The following SCN4B variants were observed in gnomAD, a reference collection of about 807,000 sequenced individuals.
SCN4B encodes sodium voltage-gated channel beta subunit 4.
In SCN4B, 20 loss-of-function variants were observed where a neutral mutation model predicts 19.6. That is an observed-to-expected ratio of 1.02 (90% CI 0.72 to 1.48). The LOEUF is 1.48. SCN4B is among the 40% of genes most tolerant of loss of function. The probability of loss-of-function intolerance (pLI) is 0.00; values close to 1 mark genes in which losing one functional copy is unlikely to be tolerated. For synonymous variants in SCN4B, 127 were observed against 122.8 expected, an observed-to-expected ratio of 1.03 and a Z score of -0.22; for missense variants, 271 against 287.5, an observed-to-expected ratio of 0.94 and a Z score of 0.42.
At chr11:118,151,105 A>G (rs1168261909) in intron 1 of SCN4B, among the ~76,000 whole-genome samples, 2 of 145,338 alleles carry the variant, frequency 1.4e-5, no homozygotes, top group African/African-American at 5.3e-5. Flanking sequence ...TGTGCCTACA[A>G]TCCCCCTTAC....
intron 1 of SCN4B, among the ~76,000 whole-genome samples, chr11:118,150,090 A>G (rs969626936): frequency 1.3e-5 from 2 of 152,120 alleles, no homozygotes; most frequent in Admixed American, 6.5e-5. Flanking sequence ...CTTAATAAAT[A>G]CACACCAGGG....
chr11:118,145,843 C>A, intron 1 of SCN4B: 1 of 172,910 alleles, frequency 5.8e-6, no homozygotes, highest in Non-Finnish European at 1.3e-5. Context: ...CACGTTCGGG[C>A]TGGACCTCGC....
Position 118,135,089 on chromosome 11 carries a change from A to C in SCN4B, c.*1938T>G, listed in dbSNP as rs755726700. ...AGAAGGAAGAAGAAAACAGTTTTGC[A>C]TGAAGGTAGCTATAAGAAGTTTTCT... On this transcript the variant is annotated 3_prime_UTR_variant, in exon 5 of 5. Coordinates refer to ENST00000324727, the MANE Select transcript of SCN4B (RefSeq NM_174934.4). 2 of 454,152 alleles carry C rather than the reference A, an allele frequency of 4.4e-6. No homozygotes were observed. The highest frequency in any genetic ancestry group is 6.9e-5 in the East Asian group (1 of 14,404). The allele number at this position is 454,152 out of a possible 1,614,324, so 28.1% of individuals were successfully genotyped here.
rs1948201594 is a variant in SCN4B, at chr11:118,148,224, G to A, written c.62-2995C>T. Among the ~76,000 whole-genome samples, 1 of 152,218 alleles carries A rather than the reference G, an allele frequency of 6.6e-6. No individual in the cohort carries two copies. Among genetic ancestry groups the A allele is most frequent in the African/African-American group, 2.4e-5 (1 of 41,458 alleles). ...CCGAGTGAAAGCATCAGAGAGGGTG[G>A]GCAAGCCTGGCTTCTTCAGTGCACA... On this transcript the variant is annotated intron_variant, in intron 1 of 4. Coordinates refer to ENST00000324727, the MANE Select transcript of SCN4B (RefSeq NM_174934.4). The surrounding 1 kb of genome is among the most constrained non-coding windows in gnomAD (Gnocchi z 4.0).
chr11:118,145,028 GCTGTA>G, intron 2 of SCN4B, 24 bp downstream of exon 2: 3 of 1,608,378 alleles, frequency 1.9e-6, no homozygotes, highest in Non-Finnish European at 2.6e-6. Context: ...GGGAGGCTGG[GCTGTA>G]CTGTTCTTCC....
intron 4 of SCN4B, among the ~76,000 whole-genome samples, chr11:118,138,185 T>G (rs577054342): frequency 2.0e-5 from 3 of 152,284 alleles, no homozygotes; most frequent in East Asian, 3.9e-4. Flanking sequence ...ATGGCCAAGT[T>G]TTTCACAGCT....
In SCN4B at chr11:118,152,642, G is replaced by T. The variant is rs1456501225; in HGVS notation, c.32C>A (p.Pro11Gln). 2.5e-6 allele frequency: 4 copies of T among 1,612,036 alleles called. No individual in the cohort carries two copies. The South Asian group carries it at 4.4e-5, about 18-fold the overall frequency. ...AAGCCCAGTGCCCAGCCATCTCGCC[G>T]GGGCTTTGCCTCCGTCCCCAGCCCC... MPGAGDGGKA[P>Q]ARWLGTGLLG... The change falls in exon 1 of 5, where the codon CCG becomes CAG. Residue 11 changes from proline to glutamine, a missense_variant. Coordinates refer to ENST00000324727, the MANE Select transcript of SCN4B (RefSeq NM_174934.4).
intron 3 of SCN4B, chr11:118,142,686 T>G (rs1948113981): frequency 1.3e-5 from 2 of 152,174 alleles, no homozygotes; most frequent in Admixed American, 1.3e-4. Context: ...GTTGAACAGA[T>G]GGATGAATGA....
intron 1 of SCN4B, 189 bp from the exon 2 acceptor site, chr11:118,145,418 TCCCC>T (rs1184531051): frequency 6.6e-7 from 1 of 1,517,518 alleles, no homozygotes. Context: ...TCTCCATTTC[TCCCC>T]TGGAAAGGAC....
At chr11:118,145,769 T>C in intron 1 of SCN4B, 1 of 238,540 alleles carries the variant, frequency 4.2e-6, no homozygotes, top group South Asian at 5.1e-5. Flanking sequence ...CGCCGTCCAG[T>C]AGCCTCTCGT....
intron 4 of SCN4B, among the ~76,000 whole-genome samples, chr11:118,137,775 C>T (rs952544948): frequency 1.3e-5 from 2 of 152,208 alleles, no homozygotes; most frequent in African/African-American, 4.8e-5. Context: ...GGGGTCAGTT[C>T]CCAGGCTGTG....
chr11:118,144,525 G>C (rs1289704888), intron 2 of SCN4B, among the ~76,000 whole-genome samples: 1 of 152,102 alleles, frequency 6.6e-6, no homozygotes, highest in African/African-American at 2.4e-5. Context: ...ACCAGAGTTG[G>C]TCTCTTGTGG....
chr11:118,145,608 G>A, intron 1 of SCN4B: 1 of 511,822 alleles, frequency 2.0e-6, no homozygotes, highest in South Asian at 2.0e-5. Flanking sequence ...GACGCGCAGG[G>A]CGGGCTCCCT....
chr11:118,137,038 A>G lies in SCN4B; in HGVS notation c.676T>C (p.Ser226Pro), dbSNP rs1298938838. 6.2e-7 allele frequency: 1 copy of G among 1,612,940 alleles called. No individual in the cohort carries two copies. The highest frequency in any genetic ancestry group is 8.5e-7 in the Non-Finnish European group (1 of 1,178,918). The change falls in exon 5 of 5, where the codon TCA becomes CCA. Residue 226 changes from serine (S) to proline (P), a missense_variant. Ser to Pro is a moderately conservative substitution (Grantham distance 74). Coordinates refer to ENST00000324727, the MANE Select transcript of SCN4B (RefSeq NM_174934.4). Reference protein sequence around the residue: ...PGSKAEEKPPSKV With the variant: ...PGSKAEEKPPPKV ...GCCCGAAGCAGGGCTCACACTTTTGAAGGTGGTTTCTCCTCTGCCTTGGAG... is the reference window on the plus strand; with the variant it reads ...GCCCGAAGCAGGGCTCACACTTTTGGAGGTGGTTTCTCCTCTGCCTTGGAG...
In SCN4B at chr11:118,151,381, G is replaced by A. The variant is rs191452980; in HGVS notation, c.61+1232C>T. Among the ~76,000 whole-genome samples, 5 of 152,272 alleles carry A rather than the reference G, an allele frequency of 3.3e-5. No homozygotes were observed. The East Asian group carries it at 5.8e-4, about 18-fold the overall frequency. ...ATGAGGGGAAGTAGCATGGAATGGCGCTGTGCCCACCCTGTGAAAAGGAGC... is the reference window on the plus strand; with the variant it reads ...ATGAGGGGAAGTAGCATGGAATGGCACTGTGCCCACCCTGTGAAAAGGAGC... On this transcript the variant is annotated intron_variant, in intron 1 of 4. Transcript: ENST00000324727.
In SCN4B at chr11:118,134,943, T is replaced by C. The variant is rs1435376396; in HGVS notation, c.*2084A>G. 2.2e-6 allele frequency: 1 copy of C among 454,002 alleles called. No homozygotes were observed. The highest frequency in any genetic ancestry group is 2.0e-5 in the African/African-American group (1 of 50,010). The allele number at this position is 454,002 out of a possible 1,614,324, so 28.1% of individuals were successfully genotyped here. A position where few individuals can be genotyped will look rare whatever the true frequency, so the allele number is the denominator to read the frequency against. On this transcript the variant is annotated 3_prime_UTR_variant, in exon 5 of 5. Transcript: ENST00000324727. The stretch of plus-strand genomic sequence containing the variant: ...GCATGATCCATCTAGAAATCAGCAG[T>C]AGACCCTGGGGAGGAAAGAGAGGAT...
chr11:118,141,278 G>A lies in SCN4B; in HGVS notation c.522C>T (p.Ile174=), dbSNP rs748616557. 5 of 1,612,722 alleles carry A rather than the reference G, an allele frequency of 3.1e-6. No homozygotes were observed. Among genetic ancestry groups the A allele is most frequent in the South Asian group, 2.2e-5 (2 of 91,008 alleles). ...LIILAVVGGV[I]GLLILILLIK... The stretch of plus-strand genomic sequence containing the variant: ...TCAGCAGGATGAGGATGAGGAGCCC[G>A]ATGACCCCGCCCACGACAGCCAGGA... Residue 174 remains isoleucine, a synonymous_variant, in exon 4 of 5, where the codon ATC becomes ATT. Transcript: ENST00000324727.
Position 118,136,830 on chromosome 11 carries a change from T to TC in SCN4B, c.*196dup, listed in dbSNP as rs770645878. 1 of 682,592 alleles carries TC rather than the reference T, an allele frequency of 1.5e-6. No individual in the cohort carries two copies. Among genetic ancestry groups the TC allele is most frequent in the Non-Finnish European group, 2.7e-6 (1 of 372,372 alleles). 42.3% of individuals were successfully genotyped at this position (682,592 alleles called of 1,614,324 possible). A position where few individuals can be genotyped will look rare whatever the true frequency, so the allele number is the denominator to read the frequency against. ...TTCCACAGACCCCCTCCCCTGGCCA[T>TC]CCCTTGTCCCTGGGGAGCCCTGACT... On this transcript the variant is annotated 3_prime_UTR_variant, in exon 5 of 5. Coordinates refer to ENST00000324727, the MANE Select transcript of SCN4B (RefSeq NM_174934.4).
intron 2 of SCN4B, 35 bp downstream of exon 2, chr11:118,145,022 G>C (rs1308523494): frequency 6.2e-7 from 1 of 1,607,026 alleles, no homozygotes; most frequent in African/African-American, 1.3e-5. Flanking sequence ...GGGTGAGGGA[G>C]GCTGGGCTGT....
Sources: gnomAD v4.1 joint callset for allele counts (sites outside exome capture counted in the v4.1 genomes callset) on GRCh38, gnomAD v4.1.1 for gene constraint, Gnocchi (gnomAD v3.1) non-coding constraint, MANE v1.5 for transcripts, NCBI Gene and HGNC (gene_info 2026-07-23, HGNC 2026-07-21) for gene names.